CTNNA2: variants seen among roughly 807,000 people sequenced by gnomAD.
The protein encoded by CTNNA2 is catenin alpha-2.
A neutral mutation model predicts 101.0 loss-of-function variants in CTNNA2; 42 were observed. The ratio of observed to expected loss-of-function variants is 0.42; its 90% CI spans 0.32 to 0.54. The LOEUF (loss-of-function observed/expected upper bound fraction) is 0.54. Among genes scored for constraint, CTNNA2 ranks in the 20% least tolerant of loss-of-function variants. The pLI is 0.14. For missense variants in CTNNA2, 871 were observed against 1,223.1 expected (o/e 0.71, Z 4.29); for synonymous variants, 450 against 456.4 (o/e 0.99, Z 0.18).
intron 3 of CTNNA2, among the ~76,000 whole-genome samples, chr2:79,796,589 C>G (rs1040152603): frequency 1.3e-5 from 2 of 152,172 alleles, no homozygotes; most frequent in African/African-American, 4.8e-5. Context: ...TGGAGGCAGG[C>G]AGCATCCAAC....
At chr2:80,112,154 G>T (rs1701253397) in intron 7 of CTNNA2, among the ~76,000 whole-genome samples, 1 of 152,330 alleles carries the variant, frequency 6.6e-6, no homozygotes, top group South Asian at 2.1e-4. Context: ...AGATAAAGTA[G>T]GGGTGGGGCC....
chr2:79,223,272 A>G (rs566520448), intron 2 of CTNNA2, among the ~76,000 whole-genome samples: 1 of 152,336 alleles, frequency 6.6e-6, no homozygotes, highest in East Asian at 1.9e-4. Flanking sequence ...GTCCTCACCA[A>G]AATCCAACAA....
intron 7 of CTNNA2, among the ~76,000 whole-genome samples, chr2:80,238,819 C>T (rs1046450979): frequency 2.6e-5 from 4 of 152,188 alleles, no homozygotes; most frequent in African/African-American, 9.7e-5. Flanking sequence ...GGAATTGTCT[C>T]TAAGTCTCAC....
chr2:79,454,362 A>C (rs144158551), intron 4 of CTNNA2, among the ~76,000 whole-genome samples: 34 of 152,150 alleles, frequency 2.2e-4, no homozygotes, highest in African/African-American at 8.0e-4. Flanking sequence ...TCTACATCTA[A>C]CACACCCTCT....
chr2:79,431,294 C>G lies in CTNNA2; in HGVS notation c.-135+57281C>G, dbSNP rs115225302. Among the ~76,000 whole-genome samples the G allele has an allele frequency of 8.7e-3, 1,325 of 152,232 alleles. 15 individuals carry two copies. Among genetic ancestry groups the G allele is most frequent in the African/African-American group, 0.03 (1,262 of 41,540 alleles). On this transcript the variant is annotated intron_variant, in intron 4 of 21. Transcript: ENST00000466387. Reference sequence around the variant, plus strand: ...TTGATATTCTTAAGAATTGCAACTACTTTATGAGTTAGCCTAATGCAGGTA... The same window carrying G: ...TTGATATTCTTAAGAATTGCAACTAGTTTATGAGTTAGCCTAATGCAGGTA...
chr2:79,335,619 T>C (rs930843164), intron 3 of CTNNA2, among the ~76,000 whole-genome samples: 3 of 152,156 alleles, frequency 2.0e-5, no homozygotes, highest in Non-Finnish European at 4.4e-5. Context: ...TTTCTAGACA[T>C]AAAAATATAG....
Position 79,749,829 on chromosome 2 carries a change from C to T in CTNNA2, c.298+5247C>T, listed in dbSNP as rs184774547. ...ATGAAGTCACAGGGGATTAAAAAAA[C>T]GCTAAATGTTCTATAGATGTCAGAG... On this transcript the variant is annotated intron_variant, in intron 3 of 18. Coordinates refer to ENST00000402739, the MANE Select transcript of CTNNA2 (RefSeq NM_001282597.3). 3.2e-4 allele frequency among the ~76,000 whole-genome samples: 48 copies of T among 152,214 alleles called. 1 individual carries two copies. In the Middle Eastern group the frequency reaches 0.014, roughly 43 times the overall value.
At chr2:79,654,318 T>G (rs2104490921) in intron 2 of CTNNA2, among the ~76,000 whole-genome samples, 1 of 152,282 alleles carries the variant, frequency 6.6e-6, no homozygotes, top group South Asian at 2.1e-4. Flanking sequence ...TGTATTAGCT[T>G]AATATAAAAC....
intron 7 of CTNNA2, among the ~76,000 whole-genome samples, chr2:80,105,970 C>A (rs997882030): frequency 6.6e-6 from 1 of 152,132 alleles, no homozygotes; most frequent in African/African-American, 2.4e-5. Context: ...TGGGTTCAAT[C>A]GCTTGGCAGG....
intron 7 of CTNNA2, among the ~76,000 whole-genome samples, chr2:80,234,753 ATAT>A (rs2149081348): frequency 6.6e-6 from 1 of 152,278 alleles, no homozygotes; most frequent in Admixed American, 6.5e-5. Flanking sequence ...GTACTGAGAA[ATAT>A]TATGAAGACA....
intron 1 of CTNNA2, among the ~76,000 whole-genome samples, chr2:79,534,177 A>G (rs946499757): frequency 2.6e-5 from 4 of 152,120 alleles, no homozygotes; most frequent in Non-Finnish European, 5.9e-5. Context: ...ATTTTATGTC[A>G]TTTTAAAAAG....
intron 4 of CTNNA2, among the ~76,000 whole-genome samples, chr2:79,461,131 G>A (rs991674866): frequency 4.6e-5 from 7 of 152,214 alleles, no homozygotes; most frequent in East Asian, 1.9e-4. Context: ...CGTGAGCCAC[G>A]GTTCCTGGCC....
Position 80,086,796 on chromosome 2 carries a change from T to C in CTNNA2, c.1056+176999T>C, listed in dbSNP as rs1020142044. ...AATGTACAGGAAAGCACTGGGTAAA[T>C]TGCAAAGCCTTTTACAAAGATAGGA... is the stretch of plus-strand genomic sequence containing the variant. On this transcript the variant is annotated intron_variant, in intron 7 of 18. Transcript: ENST00000402739. Among the ~76,000 whole-genome samples, 4 of 152,070 alleles carry C rather than the reference T, an allele frequency of 2.6e-5. No individual in the cohort carries two copies. The East Asian group carries it at 7.8e-4, about 29-fold the overall frequency.
At chr2:79,267,044 C>A (rs1674995911) in intron 2 of CTNNA2, among the ~76,000 whole-genome samples, 1 of 151,912 alleles carries the variant, frequency 6.6e-6, no homozygotes, top group Non-Finnish European at 1.5e-5. Context: ...AAAGTCAAGG[C>A]CCTGATGGAA....
intron 3 of CTNNA2, among the ~76,000 whole-genome samples, chr2:79,857,734 C>T (rs776072004): frequency 3.9e-5 from 6 of 152,148 alleles, no homozygotes; most frequent in Non-Finnish European, 8.8e-5. Flanking sequence ...TCCATCTCAA[C>T]TATTAGACAA....
At chr2:79,885,248 A>G (rs924676313) in intron 6 of CTNNA2, among the ~76,000 whole-genome samples, 4 of 152,166 alleles carry the variant, frequency 2.6e-5, no homozygotes, top group Admixed American at 6.5e-5. Flanking sequence ...GACCTAGGAG[A>G]TCTACACTGA....
At chr2:79,313,612 C>A (rs1385672552) in intron 3 of CTNNA2, among the ~76,000 whole-genome samples, 1 of 152,068 alleles carries the variant, frequency 6.6e-6, no homozygotes, top group Non-Finnish European at 1.5e-5. Context: ...TTCCAATACA[C>A]CACCAAACAG....
chr2:79,734,706 G>C (rs950604052), intron 2 of CTNNA2, among the ~76,000 whole-genome samples: 1 of 152,038 alleles, frequency 6.6e-6, no homozygotes. Flanking sequence ...TCATCATTAC[G>C]TCATATGCCT....
intron 7 of CTNNA2, among the ~76,000 whole-genome samples, chr2:80,375,493 C>G (rs1675856555): frequency 6.6e-6 from 1 of 151,856 alleles, no homozygotes; most frequent in South Asian, 2.1e-4. Flanking sequence ...GTGACCCACC[C>G]TCAAGTCAGA....
Sources: allele counts gnomAD v4.1 joint callset (sites outside exome capture counted in the v4.1 genomes callset), GRCh38; gene constraint gnomAD v4.1.1; transcripts MANE v1.5; gene names NCBI Gene and HGNC (gene_info 2026-07-23, HGNC 2026-07-21).